The following PTPRE variants were observed in gnomAD, a reference collection of about 807,000 sequenced individuals.
PTPRE encodes the protein protein tyrosine phosphatase receptor type E.
Under a neutral mutation model 102.0 loss-of-function variants are expected in PTPRE, and 51 were observed. That is an observed-to-expected ratio of 0.50 (90% confidence interval 0.40 to 0.63). The LOEUF is 0.63. Among genes scored for constraint, PTPRE ranks in the 30% least tolerant of loss-of-function variants. PTPRE has a pLI of 0.00. For synonymous variants in PTPRE, 345 were observed against 348.2 expected, an observed-to-expected ratio of 0.99 and a Z score of 0.10; for missense variants, 752 against 915.1, an observed-to-expected ratio of 0.82 and a Z score of 2.30.
At chr10:127,969,604 G>T (rs1226339005) in intron 1 of PTPRE, among the ~76,000 whole-genome samples, 1 of 149,746 alleles carries the variant, frequency 6.7e-6, no homozygotes, top group Admixed American at 6.8e-5. Context: ...GGAGGCAGAG[G>T]TTGCAATGAG....
intron 3 of PTPRE, among the ~76,000 whole-genome samples, chr10:128,044,463 T>C (rs575940538): frequency 1.3e-5 from 2 of 152,340 alleles, no homozygotes; most frequent in East Asian, 3.9e-4. Context: ...GCTGGGTGGC[T>C]ACACTCCAGC....
chr10:127,963,157 G>C (rs1265585495), intron 1 of PTPRE, among the ~76,000 whole-genome samples: 1 of 152,150 alleles, frequency 6.6e-6, no homozygotes, highest in Non-Finnish European at 1.5e-5. Flanking sequence ...ATATCCTAGG[G>C]TCCTGCTCCC....
At chr10:127,990,588 A>G (rs1852545370) in intron 2 of PTPRE, among the ~76,000 whole-genome samples, 1 of 152,060 alleles carries the variant, frequency 6.6e-6, no homozygotes, top group African/African-American at 2.4e-5. Context: ...GCTGGTCTGG[A>G]TTTGGAGTTA....
At chr10:127,953,558 T>C (rs1347613412) in intron 1 of PTPRE, among the ~76,000 whole-genome samples, 2 of 152,252 alleles carry the variant, frequency 1.3e-5, no homozygotes, top group East Asian at 3.9e-4. Flanking sequence ...TGTATATATG[T>C]GATTGGGCCA....
chr10:127,943,436 C>G (rs1389124567), intron 1 of PTPRE, among the ~76,000 whole-genome samples: 1 of 152,188 alleles, frequency 6.6e-6, no homozygotes, highest in Non-Finnish European at 1.5e-5. Flanking sequence ...GTTCCTGCAG[C>G]TCTTTGTCTG....
intron 2 of PTPRE, among the ~76,000 whole-genome samples, chr10:127,985,536 A>T (rs1427681509): frequency 2.0e-5 from 3 of 152,092 alleles, no homozygotes; most frequent in Non-Finnish European, 4.4e-5. Context: ...GTGAGCCAGG[A>T]TTGTGCCACT....
chr10:128,066,039 C>T, intron 10 of PTPRE, 36 bp from the exon 11 acceptor site: 1 of 1,614,162 alleles, frequency 6.2e-7, no homozygotes, highest in Non-Finnish European at 8.5e-7. Flanking sequence ...ATTGCACCCA[C>T]AGATCTATTT....
At chr10:127,913,565 G>T (rs1846009320) in intron 1 of PTPRE, among the ~76,000 whole-genome samples, 1 of 152,132 alleles carries the variant, frequency 6.6e-6, no homozygotes, top group South Asian at 2.1e-4. Context: ...CATTTTTCAG[G>T]CTGTGTCTCC....
At chr10:128,027,469 G>C (rs1846367515) in intron 2 of PTPRE, among the ~76,000 whole-genome samples, 1 of 152,162 alleles carries the variant, frequency 6.6e-6, no homozygotes, top group South Asian at 2.1e-4. Flanking sequence ...TTGTCCACTG[G>C]CCAGGAATGC....
intron 1 of PTPRE, among the ~76,000 whole-genome samples, chr10:127,932,288 G>T (rs934924289): frequency 9.9e-5 from 15 of 152,180 alleles, no homozygotes; most frequent in African/African-American, 3.6e-4. Flanking sequence ...TATTGATATT[G>T]TTGCTTTAGA....
chr10:127,936,424 G>A (rs1316845306), intron 1 of PTPRE, among the ~76,000 whole-genome samples: 2 of 152,168 alleles, frequency 1.3e-5, no homozygotes, highest in East Asian at 1.9e-4. Flanking sequence ...AGATGTTATG[G>A]TATTAATTAA....
chr10:128,049,746 A>G, intron 6 of PTPRE, 80 bp downstream of exon 6: 3 of 1,585,474 alleles, frequency 1.9e-6, no homozygotes, highest in Non-Finnish European at 2.6e-6. Context: ...AGGATGAATT[A>G]TCCCAAAGAC....
intron 2 of PTPRE, among the ~76,000 whole-genome samples, chr10:128,005,667 G>C (rs925017712): frequency 1.8e-4 from 28 of 152,354 alleles, no homozygotes; most frequent in African/African-American, 6.3e-4. Context: ...GATGGGGGAT[G>C]CCCAAGGACC....
chr10:127,912,842 T>C (rs902847840), intron 1 of PTPRE, among the ~76,000 whole-genome samples: 1 of 152,172 alleles, frequency 6.6e-6, no homozygotes, highest in African/African-American at 2.4e-5. Context: ...TGGATGAAGG[T>C]AATAGAACTG....
intron 2 of PTPRE, among the ~76,000 whole-genome samples, chr10:128,009,990 C>A (rs1438226539): frequency 6.6e-6 from 1 of 152,182 alleles, no homozygotes; most frequent in Non-Finnish European, 1.5e-5. Context: ...CTGAGATGGT[C>A]TGGAACTCAC....
At chr10:127,993,772 T>TGTGTGTGC (rs1458377779) in intron 2 of PTPRE, among the ~76,000 whole-genome samples, 1 of 151,510 alleles carries the variant, frequency 6.6e-6, no homozygotes, top group African/African-American at 2.4e-5. Context: ...CATAGTGGTG[T>TGTGTGTGC]GTGTGTGTGT....
At chr10:128,041,460 C>T (rs565729686) in intron 3 of PTPRE, among the ~76,000 whole-genome samples, 11 of 151,944 alleles carry the variant, frequency 7.2e-5, no homozygotes, top group Admixed American at 6.5e-5. Context: ...CCATCTTGGC[C>T]AACACGGTGA....
chr10:128,073,277 C>A, intron 16 of PTPRE, 60 bp from the exon 17 acceptor site: 1 of 1,599,074 alleles, frequency 6.3e-7, no homozygotes, highest in South Asian at 1.1e-5. Flanking sequence ...ACTTAGGGAG[C>A]AGGTAATGGA....
chr10:128,020,679 T>C (rs1424051199), intron 2 of PTPRE, among the ~76,000 whole-genome samples: 1 of 152,238 alleles, frequency 6.6e-6, no homozygotes, highest in East Asian at 1.9e-4. Flanking sequence ...TTCTGCTCAC[T>C]GCCCTCCTGG....
Sources: gnomAD v4.1 joint callset for allele counts (sites outside exome capture counted in the v4.1 genomes callset) on GRCh38, gnomAD v4.1.1 for gene constraint, MANE v1.5 for transcripts, NCBI Gene and HGNC (gene_info 2026-07-23, HGNC 2026-07-21) for gene names.